DEFB124: variants seen among roughly 807,000 people sequenced by gnomAD.
DEFB124 encodes defensin beta 124.
For missense variants in DEFB124, 78 were observed against 83.1 expected (o/e 0.94, Z 0.24); for synonymous variants, 38 against 36.5 (o/e 1.04, Z -0.15).
intron 2 of DEFB124, among the ~76,000 whole-genome samples, chr20:31,470,177 C>CTCCT (rs1980200550): frequency 7.0e-6 from 1 of 143,750 alleles, no homozygotes; most frequent in Non-Finnish European, 1.5e-5. Flanking sequence ...CCTCACCTCC[C>CTCCT]GGACGGGGCG....
intron 2 of DEFB124, among the ~76,000 whole-genome samples, chr20:31,471,768 C>T (rs1400587449): frequency 4.2e-5 from 6 of 143,304 alleles, no homozygotes; most frequent in African/African-American, 2.7e-5. Flanking sequence ...CCAGACGGGG[C>T]GGCGGGGCAG....
Position 31,465,492 on chromosome 20 carries a change from A to C in DEFB124, c.*14T>G, listed in dbSNP as rs1176546780. 6.2e-7 allele frequency: 1 copy of C among 1,613,734 alleles called. No individual in the cohort carries two copies. Among genetic ancestry groups the C allele is most frequent in the Admixed American group, 1.7e-5 (1 of 59,962 alleles). On this transcript the variant is annotated 3_prime_UTR_variant, in exon 3 of 3. Coordinates refer to ENST00000317676, the MANE Select transcript of DEFB124 (RefSeq NM_001037500.2). ...CAACTGGCAACCTGTGTTTTATTGGACAGCAGGAACCAGCTACTCATATTC... is the reference window on the plus strand; with the variant it reads ...CAACTGGCAACCTGTGTTTTATTGGCCAGCAGGAACCAGCTACTCATATTC...
intron 2 of DEFB124, among the ~76,000 whole-genome samples, chr20:31,471,588 C>G (rs1416508616): frequency 6.7e-6 from 1 of 148,414 alleles, no homozygotes; most frequent in Admixed American, 6.7e-5. Context: ...CGGGCGGAGA[C>G]GCTCCTCACT....
intron 2 of DEFB124, among the ~76,000 whole-genome samples, chr20:31,471,270 C>G (rs1191576973): frequency 1.5e-5 from 2 of 131,782 alleles, no homozygotes; most frequent in African/African-American, 5.8e-5. Context: ...TGGGCAGAGG[C>G]GCCCCTCACC....
At chr20:31,470,372 G>C (rs1195678667) in intron 2 of DEFB124, among the ~76,000 whole-genome samples, 2 of 145,406 alleles carry the variant, frequency 1.4e-5, no homozygotes, top group African/African-American at 2.6e-5. Context: ...TGGCTGGCCG[G>C]GCGGGGGGCT....
intron 2 of DEFB124, among the ~76,000 whole-genome samples, chr20:31,472,198 G>A (rs2122456681): frequency 6.6e-6 from 1 of 152,200 alleles, no homozygotes; most frequent in African/African-American, 2.4e-5. Flanking sequence ...GTTAGGAGCT[G>A]GAGACCAGCC....
At chr20:31,465,722 G>A in intron 2 of DEFB124, 59 bp from the exon 3 acceptor site, 1 of 1,582,052 alleles carries the variant, frequency 6.3e-7, no homozygotes, top group Non-Finnish European at 8.6e-7. Flanking sequence ...TTAGACCACT[G>A]GTCACAAGTT....
chr20:31,471,157 C>T (rs1254160528), intron 2 of DEFB124, among the ~76,000 whole-genome samples: 5 of 135,524 alleles, frequency 3.7e-5, no homozygotes, highest in African/African-American at 1.1e-4. Context: ...ACCTCCCTCC[C>T]GGACGAGGCG....
rs1352090962 is a variant in DEFB124 at position 31,469,540 on chromosome 20, G to A, written c.58+3416C>T. ...ATAGGACAATAGTGGAGGGAAGGTC[G>A]GCAGATAAACAAGTGAACAAAGGTC... On this transcript the variant is annotated intron_variant, in intron 2 of 2. Transcript: ENST00000317676. Among the ~76,000 whole-genome samples the A allele has an allele frequency of 2.6e-5, 4 of 151,778 alleles. No individual in the cohort carries two copies. The South Asian group carries it at 6.3e-4, about 24-fold the overall frequency.
chr20:31,473,116 T>A, intron 1 of DEFB124, 78 bp from the exon 2 acceptor site: 2 of 1,331,020 alleles, frequency 1.5e-6, no homozygotes, highest in East Asian at 4.6e-5. Context: ...GAGCTGCAGA[T>A]GAAGGCAGTG....
At chr20:31,470,836 TCCC>T (rs1245856114) in intron 2 of DEFB124, among the ~76,000 whole-genome samples, 6 of 54,188 alleles carry the variant, frequency 1.1e-4, no homozygotes, top group African/African-American at 4.4e-4. Context: ...GGGGTGCTGA[TCCC>T]CCCACCTCCC....
intron 2 of DEFB124, among the ~76,000 whole-genome samples, chr20:31,472,272 G>T (rs1418402457): frequency 6.6e-6 from 1 of 151,994 alleles, no homozygotes; most frequent in African/African-American, 2.4e-5. Context: ...GCGTGGTGGC[G>T]CGCGCCTGCA....
intron 2 of DEFB124, among the ~76,000 whole-genome samples, chr20:31,469,758 G>GT (rs1425046527): frequency 6.7e-6 from 1 of 149,766 alleles, no homozygotes; most frequent in East Asian, 1.9e-4. Flanking sequence ...AGAGCACAGG[G>GT]TTGGGGGTAA....
At chr20:31,472,489 T>C (rs73116276) in intron 2 of DEFB124, 8 of 149,570 alleles carry the variant, frequency 5.3e-5, no homozygotes, top group African/African-American at 7.8e-5. Context: ...AAGAAACAAA[T>C]CTTATCAGAG....
At chr20:31,469,035 A>G (rs1179204769) in intron 2 of DEFB124, among the ~76,000 whole-genome samples, 1 of 152,196 alleles carries the variant, frequency 6.6e-6, no homozygotes, top group African/African-American at 2.4e-5. Context: ...ATTTTCCCAT[A>G]ATAAAAATGT....
intron 2 of DEFB124, among the ~76,000 whole-genome samples, chr20:31,470,967 G>A (rs1980263597): frequency 7.5e-6 from 1 of 133,054 alleles, no homozygotes; most frequent in African/African-American, 2.9e-5. Flanking sequence ...GGGCAGAAGC[G>A]CCCCTCACTT....
chr20:31,471,418 C>T (rs1600569154), intron 2 of DEFB124, among the ~76,000 whole-genome samples: 1 of 131,852 alleles, frequency 7.6e-6, no homozygotes, highest in African/African-American at 3.0e-5. Flanking sequence ...GGCTGACCCC[C>T]CCACCTCCCT....
rs2122458633 is a variant in DEFB124, at chr20:31,472,936, C to CACACAT, written c.58+19_58+20insATGTGT. 1.2e-6 allele frequency: 2 copies of CACACAT among 1,612,600 alleles called. No individual in the cohort carries two copies. Among genetic ancestry groups the CACACAT allele is most frequent in the Non-Finnish European group, 1.7e-6 (2 of 1,179,528 alleles). Reference sequence around the variant, plus strand: ...ACATGTGCACACACACACACACACACATGCACACGATGTTGTTACCTGATG... The same window carrying CACACAT: ...ACATGTGCACACACACACACACACACACACATATGCACACGATGTTGTTACCTGATG... On this transcript the variant is annotated intron_variant, in intron 2 of 2. Coordinates refer to ENST00000317676, the MANE Select transcript of DEFB124 (RefSeq NM_001037500.2).
chr20:31,471,339 GGGGCGGC>G (rs1568758280), intron 2 of DEFB124, among the ~76,000 whole-genome samples: 16 of 41,892 alleles, frequency 3.8e-4, no homozygotes, highest in Non-Finnish European at 4.6e-4. Flanking sequence ...CCTCCCGGAC[GGGGCGGC>G]TGGCCGGGCG....
Sources: allele counts gnomAD v4.1 joint callset (sites outside exome capture counted in the v4.1 genomes callset), GRCh38; gene constraint gnomAD v4.1.1; transcripts MANE v1.5; gene names NCBI Gene and HGNC (gene_info 2026-07-23, HGNC 2026-07-21).